GALNTL6: variants seen among roughly 807,000 people sequenced by gnomAD.
GALNTL6 encodes polypeptide N-acetylgalactosaminyltransferase like 6, also known as polypeptide N-acetylgalactosaminyltransferase-like 6.
A neutral mutation model predicts 73.7 loss-of-function variants in GALNTL6; 46 were observed. That is an observed-to-expected ratio of 0.62 (90% CI 0.49 to 0.80). The LOEUF (loss-of-function observed/expected upper bound fraction) is 0.80. GALNTL6 is among the 30% of genes least tolerant of loss of function. The pLI is 0.00. For synonymous variants in GALNTL6, 259 were observed against 263.7 expected, an observed-to-expected ratio of 0.98 and a Z score of 0.17; for missense variants, 604 against 755.0, an observed-to-expected ratio of 0.80 and a Z score of 2.34.
intron 5 of GALNTL6, among the ~76,000 whole-genome samples, chr4:172,529,081 A>G (rs548282302): frequency 4.0e-5 from 6 of 148,802 alleles, no homozygotes; most frequent in South Asian, 2.1e-4. Context: ...TTTAAATTTT[A>G]AGTCTAATGA....
At chr4:172,534,101 A>G (rs555840425) in intron 5 of GALNTL6, among the ~76,000 whole-genome samples, 1 of 152,322 alleles carries the variant, frequency 6.6e-6, no homozygotes, top group South Asian at 2.1e-4. Context: ...CCACGGGGAA[A>G]TGATTGGAAC....
chr4:172,315,622 G>A (rs1214326565), intron 4 of GALNTL6, among the ~76,000 whole-genome samples: 2 of 152,204 alleles, frequency 1.3e-5, no homozygotes, highest in African/African-American at 4.8e-5. Context: ...TCTTCTGTTA[G>A]TGCCAAGTCA....
intron 7 of GALNTL6, among the ~76,000 whole-genome samples, chr4:172,822,272 T>A (rs1306993224): frequency 6.6e-6 from 1 of 152,210 alleles, no homozygotes; most frequent in Non-Finnish European, 1.5e-5. Context: ...ATCTCATCTT[T>A]CTGGTTCCTG....
intron 3 of GALNTL6, among the ~76,000 whole-genome samples, chr4:172,267,591 C>T (rs1004083990): frequency 6.6e-6 from 1 of 152,028 alleles, no homozygotes; most frequent in African/African-American, 2.4e-5. Context: ...TTCTTTCCTA[C>T]CTGCCAAAGA....
intron 2 of GALNTL6, among the ~76,000 whole-genome samples, chr4:172,083,089 T>C (rs1184425049): frequency 6.6e-6 from 1 of 152,228 alleles, no homozygotes; most frequent in East Asian, 1.9e-4. Flanking sequence ...AACTCACCTC[T>C]TAATCTCATG....
At chr4:172,811,253 A>G (rs1457249996) in intron 6 of GALNTL6, among the ~76,000 whole-genome samples, 2 of 152,206 alleles carry the variant, frequency 1.3e-5, no homozygotes, top group African/African-American at 4.8e-5. Flanking sequence ...TGTAGGCACA[A>G]GCCTTGGATG....
At chr4:172,712,019 G>A (rs1734737503) in intron 5 of GALNTL6, among the ~76,000 whole-genome samples, 1 of 152,118 alleles carries the variant, frequency 6.6e-6, no homozygotes, top group Admixed American at 6.5e-5. Flanking sequence ...ACTCTGCCAG[G>A]TAACATGACA....
intron 5 of GALNTL6, among the ~76,000 whole-genome samples, chr4:172,782,755 T>C (rs1050819547): frequency 2.8e-4 from 43 of 152,228 alleles, no homozygotes; most frequent in African/African-American, 1.0e-3. Flanking sequence ...TTCATTAAAT[T>C]GTCACCAGAA....
intron 12 of GALNTL6, 36 bp from the exon 13 acceptor site, chr4:173,039,897 T>TTG: frequency 6.4e-7 from 1 of 1,565,230 alleles, no homozygotes; most frequent in South Asian, 1.2e-5. Context: ...CACCACGTAT[T>TTG]ACAACAGTCT....
chr4:172,229,802 C>T (rs531936186), intron 3 of GALNTL6, 38 bp downstream of exon 3: 31 of 1,215,488 alleles, frequency 2.6e-5, no homozygotes, highest in African/African-American at 6.0e-5. Flanking sequence ...CTATTTCACT[C>T]GCAGCAGTGT....
chr4:172,129,640 C>T (rs1733400276), intron 2 of GALNTL6, among the ~76,000 whole-genome samples: 1 of 152,034 alleles, frequency 6.6e-6, no homozygotes. Context: ...CCCAGGCATA[C>T]AGATCGAACA....
At chr4:172,482,525 C>T (rs1733528563) in intron 5 of GALNTL6, among the ~76,000 whole-genome samples, 1 of 152,224 alleles carries the variant, frequency 6.6e-6, no homozygotes, top group South Asian at 2.1e-4. Context: ...TAAAAGAAGG[C>T]ACTCATCAAG....
intron 5 of GALNTL6, among the ~76,000 whole-genome samples, chr4:172,469,478 T>G (rs547536135): frequency 2.6e-4 from 40 of 151,178 alleles, no homozygotes; most frequent in African/African-American, 9.2e-4. Flanking sequence ...GTCATGATGG[T>G]GCACACACTT....
chr4:172,828,205 G>A (rs988088053), intron 7 of GALNTL6, among the ~76,000 whole-genome samples: 3 of 148,456 alleles, frequency 2.0e-5, no homozygotes, highest in Admixed American at 6.8e-5. Flanking sequence ...CTGGGAAGCA[G>A]AGGTTGCAGT....
At chr4:172,357,558 C>CT (rs1249271202) in intron 5 of GALNTL6, among the ~76,000 whole-genome samples, 2 of 151,438 alleles carry the variant, frequency 1.3e-5, no homozygotes, top group Non-Finnish European at 2.9e-5. Context: ...ATTTTCTCAT[C>CT]TTTTTTCTGC....
intron 2 of GALNTL6, among the ~76,000 whole-genome samples, chr4:172,165,905 A>G (rs1000452559): frequency 7.9e-5 from 12 of 152,214 alleles, no homozygotes; most frequent in African/African-American, 2.9e-4. Flanking sequence ...GTGGGATGCA[A>G]GAATAACATA....
At chr4:172,742,874 G>C (rs1736884643) in intron 5 of GALNTL6, among the ~76,000 whole-genome samples, 2 of 152,000 alleles carry the variant, frequency 1.3e-5, no homozygotes, top group Admixed American at 1.3e-4. Flanking sequence ...CCTGAGTCTA[G>C]GTAAGAACCA....
chr4:171,989,822 T>A, intron 2 of GALNTL6, among the ~76,000 whole-genome samples: 1 of 152,238 alleles, frequency 6.6e-6, no homozygotes, highest in East Asian at 1.9e-4. Context: ...GTAAAGCATC[T>A]CAGGGTTGCT....
intron 5 of GALNTL6, among the ~76,000 whole-genome samples, chr4:172,643,869 G>GTTATTTGTTATTTGTTATTTGTTATTTGT (rs1345651401): frequency 6.6e-5 from 10 of 151,722 alleles, no homozygotes; most frequent in African/African-American, 2.4e-4. Context: ...GCTGCTTTTT[G>GTTATTTGTTATTTGTTATTTGTTATTTGT]TATATGTTAT....
Sources: gnomAD v4.1 joint callset for allele counts (sites outside exome capture counted in the v4.1 genomes callset) on GRCh38, gnomAD v4.1.1 for gene constraint, MANE v1.5 for transcripts, NCBI Gene and HGNC (gene_info 2026-07-23, HGNC 2026-07-21) for gene names.